RFX3: variants seen among roughly 807,000 people sequenced by gnomAD.
RFX3 encodes transcription factor RFX3.
In RFX3, 14 loss-of-function variants were observed where a neutral mutation model predicts 98.6. The ratio of observed to expected loss-of-function variants is 0.14; its 90% confidence interval spans 0.09 to 0.22. RFX3 has a LOEUF of 0.22. Ranked by LOEUF, RFX3 falls within the 10% of genes least tolerant of loss-of-function variation. The pLI, the probability that RFX3 is intolerant of heterozygous loss-of-function variation, is 1.00. For missense variants in RFX3, 639 were observed against 926.9 expected, an observed-to-expected ratio of 0.69 and a Z score of 4.03; for synonymous variants, 383 against 328.4, an observed-to-expected ratio of 1.17 and a Z score of -1.80.
chr9:3,268,850 G>A (rs1355761018), intron 11 of RFX3, among the ~76,000 whole-genome samples: 1 of 151,870 alleles, frequency 6.6e-6, no homozygotes, highest in African/African-American at 2.4e-5. Context: ...TGATGTTGTT[G>A]ATTTGCCTCA....
At chr9:3,431,946 G>A (rs1335483004) in intron 1 of RFX3, among the ~76,000 whole-genome samples, 1 of 152,144 alleles carries the variant, frequency 6.6e-6, no homozygotes, top group East Asian at 1.9e-4. Context: ...TTTAAGGGAG[G>A]AAGCAGCAGA....
intron 15 of RFX3, chr9:3,247,354 G>A (rs1207256095): frequency 2.0e-6 from 2 of 986,462 alleles, no homozygotes; most frequent in African/African-American, 1.8e-5. Context: ...GTGGTTAGAA[G>A]CATATGGGTT....
In RFX3 at chr9:3,346,684, G is replaced by A. The variant is rs1301241165; in HGVS notation, c.198C>T (p.Val66=). 14 of 1,608,200 alleles carry A rather than the reference G, an allele frequency of 8.7e-6. No individual in the cohort carries two copies. Among genetic ancestry groups the A allele is most frequent in the Non-Finnish European group, 1.2e-5 (14 of 1,174,786 alleles). The change falls in exon 3 of 17, where the codon GTC becomes GTT. Residue 66 remains valine (V), a synonymous_variant. Coordinates refer to ENST00000617270, the MANE Select transcript of RFX3 (RefSeq NM_001282116.2). The stretch of plus-strand genomic sequence containing the variant: ...AAACTTACATTGCTCCATTGGTATA[G>A]ACAGTATCGCTTCCTTCCACATACT... ...QVQYVEGSDT[V]YTNGAIRTTT... is the part of the protein sequence containing the mutation.
intron 2 of RFX3, among the ~76,000 whole-genome samples, chr9:3,366,732 T>TTCTTTCTTTC (rs1563994509): frequency 2.7e-5 from 4 of 149,264 alleles, no homozygotes; most frequent in African/African-American, 1.0e-4. Flanking sequence ...CTTTCTTTCT[T>TTCTTTCTTTC]TCTTTCTTTC....
At chr9:3,489,914 AATCCTACCTGGG>A (rs1850603877) in intron 1 of RFX3, among the ~76,000 whole-genome samples, 1 of 152,174 alleles carries the variant, frequency 6.6e-6, no homozygotes, top group South Asian at 2.1e-4. Context: ...GCATGACCTT[AATCCTACCTGGG>A]GCAGGATTGG....
intron 15 of RFX3, chr9:3,247,715 C>T: frequency 7.9e-6 from 12 of 1,516,984 alleles, no homozygotes; most frequent in Non-Finnish European, 1.1e-5. Context: ...TCAGGAGCAC[C>T]AATCTTTTTC....
intron 2 of RFX3, among the ~76,000 whole-genome samples, chr9:3,369,069 A>G (rs763430942): frequency 1.3e-5 from 2 of 152,238 alleles, no homozygotes; most frequent in Non-Finnish European, 2.9e-5. Context: ...TGAGCTTCCA[A>G]GGAAAAAATC....
intron 2 of RFX3, among the ~76,000 whole-genome samples, chr9:3,372,623 C>A (rs1286153687): frequency 1.3e-5 from 2 of 150,634 alleles, no homozygotes; most frequent in South Asian, 4.2e-4. Context: ...TCTTGGCTCA[C>A]TGCAACCTCT....
intron 15 of RFX3, among the ~76,000 whole-genome samples, chr9:3,233,132 G>C (rs1480407445): frequency 6.6e-6 from 1 of 152,184 alleles, no homozygotes; most frequent in Non-Finnish European, 1.5e-5. Context: ...CTGGACAACA[G>C]CAGGCTGGGA....
intron 1 of RFX3, among the ~76,000 whole-genome samples, chr9:3,456,454 C>G (rs1197823093): frequency 6.6e-6 from 1 of 152,144 alleles, no homozygotes; most frequent in Admixed American, 6.5e-5. Flanking sequence ...CTCATCCAAA[C>G]TATTAGCTTT....
intron 1 of RFX3, 27 bp from the exon 2 acceptor site, chr9:3,395,623 G>C: frequency 6.2e-7 from 1 of 1,608,336 alleles, no homozygotes; most frequent in Non-Finnish European, 8.5e-7. Context: ...TGAAATTAAA[G>C]TTTAAAATGT....
chr9:3,276,733 A>G (rs1330577678), intron 8 of RFX3, among the ~76,000 whole-genome samples: 6 of 152,038 alleles, frequency 3.9e-5, no homozygotes, highest in Non-Finnish European at 8.8e-5. Context: ...GACCTGTTAT[A>G]TGGAAAATAT....
chr9:3,254,739 A>T (rs984444680), intron 14 of RFX3, among the ~76,000 whole-genome samples: 6 of 152,154 alleles, frequency 3.9e-5, no homozygotes, highest in African/African-American at 1.4e-4. Context: ...AAATTTTCTA[A>T]TTCTACCATT....
chr9:3,331,377 C>T (rs1219927057), intron 3 of RFX3, among the ~76,000 whole-genome samples: 2 of 152,058 alleles, frequency 1.3e-5, no homozygotes, highest in Non-Finnish European at 2.9e-5. Context: ...ACTATAACTT[C>T]AATTTTAAGA....
At chr9:3,335,781 A>T (rs949658417) in intron 3 of RFX3, among the ~76,000 whole-genome samples, 1 of 152,050 alleles carries the variant, frequency 6.6e-6, no homozygotes, top group African/African-American at 2.4e-5. Context: ...TTCATAGCTG[A>T]CTCTATTATA....
In RFX3 at chr9:3,410,600, T is replaced by G. The variant is rs911002459; in HGVS notation, c.-8-15004A>C. 3.9e-5 allele frequency among the ~76,000 whole-genome samples: 6 copies of G among 152,270 alleles called. 1 individual carries two copies. The highest frequency in any genetic ancestry group is 2.0e-4 in the Admixed American group (3 of 15,294). ...TTTTGGGGTGTGAGATGGAAACCTT[T>G]TCAATGTAATGGTTTGTGTAACAGC... On this transcript the variant is annotated intron_variant, in intron 1 of 16. Transcript: ENST00000617270.
intron 1 of RFX3, among the ~76,000 whole-genome samples, chr9:3,403,488 T>C (rs1375703715): frequency 6.6e-6 from 1 of 152,158 alleles, no homozygotes; most frequent in African/African-American, 2.4e-5. Context: ...CTGTGATAAC[T>C]GATGACAGTG....
rs550187947 is a variant in RFX3 at position 3,433,889 on chromosome 9, T to C, written c.-8-38293A>G. On this transcript the variant is annotated intron_variant, in intron 1 of 16. Coordinates refer to ENST00000617270, the MANE Select transcript of RFX3 (RefSeq NM_001282116.2). ...CATTGCCTGTGAAAGCAGTCATAGA[T>C]AATATGTAAACAAATGGGCATGGCT... Among the ~76,000 whole-genome samples the C allele has an allele frequency of 2.0e-5, 3 of 152,164 alleles. No homozygotes were observed. In the South Asian group the frequency reaches 6.2e-4, roughly 31 times the overall value.
At chr9:3,301,877 G>A (rs1828703666) in intron 4 of RFX3, among the ~76,000 whole-genome samples, 1 of 151,786 alleles carries the variant, frequency 6.6e-6, no homozygotes, top group African/African-American at 2.4e-5. Context: ...ATGGAGACCT[G>A]AAGAGCAGGG....
Sources: allele counts gnomAD v4.1 joint callset (sites outside exome capture counted in the v4.1 genomes callset), GRCh38; gene constraint gnomAD v4.1.1; transcripts MANE v1.5; gene names NCBI Gene and HGNC (gene_info 2026-07-23, HGNC 2026-07-21).